The following GPC3 variants were observed in gnomAD, a reference collection of about 807,000 sequenced individuals.
GPC3 encodes the protein glypican 3.
Under a neutral mutation model 34.4 loss-of-function variants are expected in GPC3, and 3 were observed. That is an observed-to-expected ratio of 0.09 (90% confidence interval 0.04 to 0.23). The LOEUF is 0.23. Ranked by LOEUF, GPC3 falls within the 10% of genes least tolerant of loss-of-function variation. The pLI is 1.00. For missense variants in GPC3, 351 were observed against 445.6 expected (o/e 0.79, Z 1.91); for synonymous variants, 177 against 174.0 (o/e 1.02, Z -0.13).
chrX:133,875,218 C>T (rs1027390109), intron 2 of GPC3, among the ~76,000 whole-genome samples: 23 of 112,024 alleles, frequency 2.1e-4, no homozygotes, highest in Admixed American at 4.7e-4. Flanking sequence ...ACTGGCATCA[C>T]TGGGTGGCCC....
intron 2 of GPC3, among the ~76,000 whole-genome samples, chrX:133,796,111 A>T (rs1290348163): frequency 9.2e-6 from 1 of 108,666 alleles, no homozygotes; most frequent in Admixed American, 9.9e-5. Flanking sequence ...CGCCCGGCTA[A>T]TTTTTTTGTA....
chrX:133,676,901 T>A (rs2070889015), intron 5 of GPC3, among the ~76,000 whole-genome samples: 2 of 110,982 alleles, frequency 1.8e-5, no homozygotes, highest in South Asian at 7.9e-4. Flanking sequence ...AGCCACTTTG[T>A]ATTCCTTTGC....
chrX:133,579,473 T>C (rs1405726758), intron 7 of GPC3, among the ~76,000 whole-genome samples: 5 of 113,016 alleles, frequency 4.4e-5, no homozygotes, highest in Middle Eastern at 4.6e-3. Context: ...TTGAAGCATA[T>C]TGACGGAGCA....
rs1358887784 is a variant in GPC3 at position 133,737,121 on chromosome X, A to G, written c.1032+16361T>C. Among the ~76,000 whole-genome samples, 3 of 112,645 alleles carry G rather than the reference A, an allele frequency of 2.7e-5. No homozygotes were observed. In the East Asian group the frequency reaches 8.3e-4, roughly 31 times the overall value. On this transcript the variant is annotated intron_variant, in intron 3 of 7. Coordinates refer to ENST00000370818, the MANE Select transcript of GPC3 (RefSeq NM_004484.4). ...TGAAAGAAGCTAATGTGAAAATAGT[A>G]TAATTCCAACTATGTGACATTCTGG...
chrX:133,588,964 G>A (rs1338594421), intron 7 of GPC3, among the ~76,000 whole-genome samples: 3 of 111,406 alleles, frequency 2.7e-5, no homozygotes, highest in Non-Finnish European at 5.6e-5. Flanking sequence ...GTACTGCTGG[G>A]ACGAAGTGAC....
chrX:133,548,223 T>A (rs1242616682), intron 7 of GPC3, among the ~76,000 whole-genome samples: 1 of 111,297 alleles, frequency 9.0e-6, no homozygotes, highest in African/African-American at 3.3e-5. Context: ...AAACACAAAA[T>A]GTCACTTATT....
intron 2 of GPC3, among the ~76,000 whole-genome samples, chrX:133,896,113 G>C (rs2076111341): frequency 8.9e-6 from 1 of 111,866 alleles, no homozygotes; most frequent in Admixed American, 9.5e-5. Context: ...TGTAATCCCA[G>C]CATTTTGGGA....
chrX:133,583,303 G>A (rs2069752070), intron 7 of GPC3, among the ~76,000 whole-genome samples: 1 of 111,428 alleles, frequency 9.0e-6, no homozygotes, highest in Admixed American at 9.5e-5. Context: ...TCATGATGTA[G>A]GTATCTATCC....
chrX:133,806,616 T>A (rs1219377059), intron 2 of GPC3, among the ~76,000 whole-genome samples: 1 of 110,890 alleles, frequency 9.0e-6, no homozygotes, highest in African/African-American at 3.3e-5. Context: ...TTTATTTATT[T>A]ATTTATTTAT....
chrX:133,555,931 T>G (rs1222021013), intron 7 of GPC3, among the ~76,000 whole-genome samples: 1 of 111,949 alleles, frequency 8.9e-6, no homozygotes, highest in African/African-American at 3.2e-5. Flanking sequence ...TTCCCCTTTT[T>G]CAGTAAATGC....
intron 2 of GPC3, among the ~76,000 whole-genome samples, chrX:133,783,196 G>A (rs1310222982): frequency 3.6e-5 from 4 of 110,989 alleles, no homozygotes; most frequent in Admixed American, 9.6e-5. Flanking sequence ...CTGAACTTCC[G>A]GGCAGAATTT....
intron 2 of GPC3, among the ~76,000 whole-genome samples, chrX:133,807,447 A>G (rs1029839604): frequency 6.2e-5 from 7 of 112,011 alleles, no homozygotes; most frequent in Non-Finnish European, 9.4e-5. Context: ...ATTCCTTTAT[A>G]GTAACACAAA....
chrX:133,683,392 A>G (rs1007976555), intron 5 of GPC3, among the ~76,000 whole-genome samples: 12 of 112,263 alleles, frequency 1.1e-4, no homozygotes, highest in African/African-American at 3.9e-4. Context: ...GAGCAGTGAT[A>G]GTAAAAGGAG....
intron 2 of GPC3, among the ~76,000 whole-genome samples, chrX:133,804,442 T>C (rs1425333192): frequency 2.7e-5 from 3 of 110,502 alleles, no homozygotes; most frequent in African/African-American, 9.9e-5. Flanking sequence ...ATCTCTGCTC[T>C]CTTCGGAAGA....
chrX:133,956,126 T>C (rs1602560491), intron 1 of GPC3, among the ~76,000 whole-genome samples: 1 of 111,731 alleles, frequency 9.0e-6, no homozygotes, highest in East Asian at 2.8e-4. Flanking sequence ...AGATAATACA[T>C]ATCACCAAAC....
In GPC3 at chrX:133,875,602, C is replaced by T. The variant is rs184315157; in HGVS notation, c.337+77448G>A. Among the ~76,000 whole-genome samples, 8 of 111,078 alleles carry T rather than the reference C, an allele frequency of 7.2e-5. No homozygotes were observed. The East Asian group carries it at 2.3e-3, about 31-fold the overall frequency. On this transcript the variant is annotated intron_variant, in intron 2 of 7. Coordinates refer to ENST00000370818, the MANE Select transcript of GPC3 (RefSeq NM_004484.4). Reference sequence around the variant, plus strand: ...ATCTACTTACAATGGATATCCCAGTCTCTCATATTCTTTTATCAATAGCCT... The same window carrying T: ...ATCTACTTACAATGGATATCCCAGTTTCTCATATTCTTTTATCAATAGCCT...
intron 2 of GPC3, among the ~76,000 whole-genome samples, chrX:133,869,826 G>A (rs1226200259): frequency 2.7e-5 from 3 of 111,305 alleles, no homozygotes; most frequent in Admixed American, 1.9e-4. Flanking sequence ...GCGGTGGTGG[G>A]CGCCTGTAGT....
chrX:133,813,411 G>A (rs2075674621), intron 2 of GPC3, among the ~76,000 whole-genome samples: 1 of 112,442 alleles, frequency 8.9e-6, no homozygotes, highest in African/African-American at 3.2e-5. Context: ...TAATTACCCT[G>A]TCCTATGTAC....
At chrX:133,932,201 T>A (rs1056002883) in intron 2 of GPC3, among the ~76,000 whole-genome samples, 1 of 112,614 alleles carries the variant, frequency 8.9e-6, no homozygotes, top group Non-Finnish European at 1.9e-5. Context: ...GACAGTAGCC[T>A]GATTATAATC....
Sources: allele counts gnomAD v4.1 joint callset (sites outside exome capture counted in the v4.1 genomes callset), GRCh38; gene constraint gnomAD v4.1.1; transcripts MANE v1.5; gene names NCBI Gene and HGNC (gene_info 2026-07-23, HGNC 2026-07-21).